The following MB21D2 variants were observed in gnomAD, a reference collection of about 807,000 sequenced individuals.
The protein encoded by MB21D2 is Mab-21 domain containing 2, also known as nucleotidyltransferase MB21D2.
MB21D2 carries 9 observed loss-of-function variants against 33.3 expected under a neutral mutation model. The observed-to-expected ratio is 0.27, with a 90% CI of 0.16 to 0.47. The LOEUF (loss-of-function observed/expected upper bound fraction) is 0.47. Ranked by LOEUF, MB21D2 falls within the 20% of genes least tolerant of loss-of-function variation. The pLI, the probability that MB21D2 is intolerant of heterozygous loss-of-function variation, is 0.99. For synonymous variants in MB21D2, 241 were observed against 236.3 expected (o/e 1.02, Z -0.18); for missense variants, 540 against 624.6 (o/e 0.86, Z 1.44).
At position 192,917,614 on chromosome 3, in the gene MB21D2, C is replaced by G. The variant is rs1415649182; in HGVS notation, c.211+16G>C. The G allele has an allele frequency of 1.2e-6, 2 of 1,613,480 alleles. No homozygotes were observed. The highest frequency in any genetic ancestry group is 1.1e-5 in the South Asian group (1 of 91,026). On this transcript the variant is annotated intron_variant, in intron 1 of 1. Transcript: ENST00000392452. ...ACACACACACGCACACACACCTCCC[C>G]CTTTTTCCTCCTTACCCAGCATGGA...
intron 1 of MB21D2, among the ~76,000 whole-genome samples, chr3:192,820,889 T>G (rs1231106825): frequency 6.6e-6 from 1 of 152,132 alleles, no homozygotes; most frequent in African/African-American, 2.4e-5. Flanking sequence ...CTCAGCCTTT[T>G]GAGTAATCAG....
chr3:192,859,092 G>A (rs1286090598), intron 1 of MB21D2, among the ~76,000 whole-genome samples: 1 of 152,086 alleles, frequency 6.6e-6, no homozygotes, highest in East Asian at 1.9e-4. Context: ...ATGCTGGCCG[G>A]CTCCAACAGC....
At chr3:192,808,497 G>C (rs1048209117) in intron 1 of MB21D2, among the ~76,000 whole-genome samples, 3 of 152,206 alleles carry the variant, frequency 2.0e-5, no homozygotes, top group African/African-American at 4.8e-5. Flanking sequence ...AGAACATATA[G>C]AGAGAAGTTT....
intron 1 of MB21D2, among the ~76,000 whole-genome samples, chr3:192,830,644 AAGG>A (rs1712295693): frequency 6.6e-6 from 1 of 152,216 alleles, no homozygotes; most frequent in Non-Finnish European, 1.5e-5. Context: ...GAGAAGGAGA[AAGG>A]AGTTTTGGTT....
chr3:192,877,827 G>A (rs772153520), intron 1 of MB21D2, among the ~76,000 whole-genome samples: 4 of 152,088 alleles, frequency 2.6e-5, no homozygotes, highest in Non-Finnish European at 4.4e-5. Context: ...TGTGCTCTGC[G>A]CATCTCTGTC....
intron 1 of MB21D2, among the ~76,000 whole-genome samples, chr3:192,840,198 A>G (rs1219041951): frequency 6.6e-6 from 1 of 152,204 alleles, no homozygotes; most frequent in African/African-American, 2.4e-5. Context: ...CAAAAATTCG[A>G]GGCGTTCAAG....
At chr3:192,873,461 C>T (rs1023877400) in intron 1 of MB21D2, among the ~76,000 whole-genome samples, 2 of 152,132 alleles carry the variant, frequency 1.3e-5, no homozygotes, top group African/African-American at 4.8e-5. Flanking sequence ...CCCATTCCAC[C>T]TCTCTACCTA....
chr3:192,833,628 C>T (rs1712368779), intron 1 of MB21D2, among the ~76,000 whole-genome samples: 1 of 152,152 alleles, frequency 6.6e-6, no homozygotes, highest in African/African-American at 2.4e-5. Flanking sequence ...TATGCTTTTC[C>T]AGCCTTACAG....
chr3:192,917,592 C>T, intron 1 of MB21D2, 38 bp downstream of exon 1: 1 of 1,602,794 alleles, frequency 6.2e-7, no homozygotes, highest in Non-Finnish European at 8.5e-7. Flanking sequence ...CCATCACACA[C>T]ACACACGCAC....
chr3:192,898,397 T>A (rs1225726389), intron 1 of MB21D2, among the ~76,000 whole-genome samples: 1 of 151,998 alleles, frequency 6.6e-6, no homozygotes, highest in East Asian at 1.9e-4. Flanking sequence ...TTAGAAAAGG[T>A]TGGGAATAAC....
Position 192,797,237 on chromosome 3 carries a change from C to T in MB21D2, c.*1149G>A, listed in dbSNP as rs897263028. ...ATAGCAATACCTGCTTTTGAACAGACGTGGTATCTTCTATTTGGGGATTAT... is the reference window on the plus strand; with the variant it reads ...ATAGCAATACCTGCTTTTGAACAGATGTGGTATCTTCTATTTGGGGATTAT... On this transcript the variant is annotated 3_prime_UTR_variant, in exon 2 of 2. Transcript: ENST00000392452. 2.0e-5 allele frequency: 3 copies of T among 152,642 alleles called. No individual in the cohort carries two copies. The highest frequency in any genetic ancestry group is 2.9e-5 in the Non-Finnish European group (2 of 68,038). 9.5% of individuals were successfully genotyped at this position (152,642 alleles called of 1,614,324 possible).
At chr3:192,836,921 C>T (rs992009780) in intron 1 of MB21D2, among the ~76,000 whole-genome samples, 4 of 152,110 alleles carry the variant, frequency 2.6e-5, no homozygotes, top group Non-Finnish European at 4.4e-5. Context: ...GGAAGAAACA[C>T]GTACCTCAGA....
intron 1 of MB21D2, among the ~76,000 whole-genome samples, chr3:192,825,839 C>T (rs1389751081): frequency 6.6e-6 from 1 of 152,206 alleles, no homozygotes; most frequent in African/African-American, 2.4e-5. Flanking sequence ...TTGCATCAGT[C>T]CCGCCCCCAC....
At chr3:192,901,247 T>C (rs1433400387) in intron 1 of MB21D2, among the ~76,000 whole-genome samples, 1 of 151,958 alleles carries the variant, frequency 6.6e-6, no homozygotes, top group African/African-American at 2.4e-5. Flanking sequence ...CACTATTCCA[T>C]AGAGAAATGA....
At chr3:192,872,855 C>T (rs753023093) in intron 1 of MB21D2, among the ~76,000 whole-genome samples, 1 of 152,174 alleles carries the variant, frequency 6.6e-6, no homozygotes, top group Non-Finnish European at 1.5e-5. Flanking sequence ...TTCATTCACA[C>T]ACACATTAGG....
At chr3:192,897,801 G>A (rs1714010065) in intron 1 of MB21D2, among the ~76,000 whole-genome samples, 2 of 151,946 alleles carry the variant, frequency 1.3e-5, no homozygotes, top group African/African-American at 4.8e-5. Flanking sequence ...AGACCAGCCT[G>A]GCTAACATGG....
chr3:192,798,264 A>C lies in MB21D2; in HGVS notation c.*122T>G. On this transcript the variant is annotated 3_prime_UTR_variant, in exon 2 of 2. Coordinates refer to ENST00000392452, the MANE Select transcript of MB21D2 (RefSeq NM_178496.4). This position sits in a 1 kb window ranked among gnomAD's most constrained non-coding sequence, Gnocchi z 4.8. ...ACCATCCTGCAGAACCAGGAAACTT[A>C]AAATTTGTTCTTAACAAATCCAATC... 1 of 1,126,966 alleles carries C rather than the reference A, an allele frequency of 8.9e-7. No individual in the cohort carries two copies. The highest frequency in any genetic ancestry group is 2.4e-5 in the Admixed American group (1 of 41,568). The allele number at this position is 1,126,966 out of a possible 1,614,324, so 69.8% of individuals were successfully genotyped here.
intron 1 of MB21D2, among the ~76,000 whole-genome samples, chr3:192,827,680 C>G (rs929379632): frequency 2.0e-4 from 31 of 151,394 alleles, no homozygotes; most frequent in African/African-American, 7.1e-4. Flanking sequence ...CTTTCTGCAA[C>G]AAGATGTTGG....
intron 1 of MB21D2, among the ~76,000 whole-genome samples, chr3:192,890,296 A>G (rs1204168880): frequency 1.3e-5 from 2 of 152,132 alleles, no homozygotes; most frequent in African/African-American, 4.8e-5. Context: ...AGATGCCAGG[A>G]GAAATTCCCA....
Sources: gnomAD v4.1 joint callset for allele counts (sites outside exome capture counted in the v4.1 genomes callset) on GRCh38, gnomAD v4.1.1 for gene constraint, Gnocchi (gnomAD v3.1) non-coding constraint, MANE v1.5 for transcripts, NCBI Gene and HGNC (gene_info 2026-07-23, HGNC 2026-07-21) for gene names.